Variants in FARS2 observed in about 807,000 individuals in gnomAD.
The protein encoded by FARS2 is phenylalanyl-tRNA synthetase 2, mitochondrial.
FARS2 carries 40 observed loss-of-function variants against 46.4 expected under a neutral mutation model. The observed-to-expected ratio is 0.86, with a 90% CI of 0.67 to 1.12. The LOEUF is 1.12. Ranked by LOEUF, FARS2 falls within the 50% of genes most tolerant of loss-of-function variation. The pLI is 0.00. For missense variants in FARS2, 513 were observed against 567.9 expected (o/e 0.90, Z 0.98); for synonymous variants, 234 against 214.9 (o/e 1.09, Z -0.78).
intron 6 of FARS2, among the ~76,000 whole-genome samples, chr6:5,675,517 A>T (rs958696139): frequency 2.6e-5 from 4 of 152,270 alleles, no homozygotes; most frequent in African/African-American, 9.6e-5. Context: ...GTTACTTGCC[A>T]TTCCACATGT....
intron 5 of FARS2, among the ~76,000 whole-genome samples, chr6:5,607,763 C>T (rs1703242213): frequency 6.6e-6 from 1 of 152,088 alleles, no homozygotes; most frequent in South Asian, 2.1e-4. Flanking sequence ...GACTTTCATT[C>T]CCTGGGACTG....
chr6:5,303,517 G>C (rs1273194767), intron 1 of FARS2, among the ~76,000 whole-genome samples: 1 of 152,014 alleles, frequency 6.6e-6, no homozygotes, highest in East Asian at 1.9e-4. Flanking sequence ...GTGTCAGCTC[G>C]GGAGAGCCGC....
At chr6:5,400,607 A>G (rs1354864554) in intron 2 of FARS2, among the ~76,000 whole-genome samples, 1 of 145,950 alleles carries the variant, frequency 6.9e-6, no homozygotes, top group Non-Finnish European at 1.5e-5. Context: ...TTATGAAGGG[A>G]GTAAGTTTAA....
intron 4 of FARS2, among the ~76,000 whole-genome samples, chr6:5,536,252 C>T (rs576071073): frequency 3.3e-5 from 5 of 151,834 alleles, no homozygotes; most frequent in Non-Finnish European, 5.9e-5. Context: ...GTTTCACTGT[C>T]GATCTCCTGA....
At chr6:5,472,754 C>T in intron 4 of FARS2, among the ~76,000 whole-genome samples, 1 of 152,054 alleles carries the variant, frequency 6.6e-6, no homozygotes, top group Non-Finnish European at 1.5e-5. Flanking sequence ...TCATGAATCC[C>T]CTTATGTATC....
intron 2 of FARS2, among the ~76,000 whole-genome samples, chr6:5,369,954 C>T (rs966088801): frequency 4.0e-5 from 6 of 151,352 alleles, no homozygotes; most frequent in Admixed American, 3.3e-4. Context: ...TACCACTTGT[C>T]CCTCACTCAT....
At chr6:5,385,044 T>A (rs1178479792) in intron 2 of FARS2, among the ~76,000 whole-genome samples, 1 of 152,176 alleles carries the variant, frequency 6.6e-6, no homozygotes, top group Non-Finnish European at 1.5e-5. Flanking sequence ...ATCCAGGCAA[T>A]GGCAAAGCTG....
At chr6:5,389,951 G>T (rs1395675822) in intron 2 of FARS2, among the ~76,000 whole-genome samples, 2 of 152,076 alleles carry the variant, frequency 1.3e-5, no homozygotes, top group African/African-American at 4.8e-5. Flanking sequence ...CGCAACCTCT[G>T]CCTCCTGGGT....
chr6:5,300,265 CAT>C (rs1360331694), intron 1 of FARS2, among the ~76,000 whole-genome samples: 2 of 152,176 alleles, frequency 1.3e-5, no homozygotes, highest in Admixed American at 1.3e-4. Flanking sequence ...AGAACAGAGA[CAT>C]ATGTGTCTCT....
upstream of FARS2, chr6:5,260,996 G>A (rs1188251315): frequency 1.8e-6 from 2 of 1,090,020 alleles, no homozygotes; most frequent in Non-Finnish European, 2.2e-6. Context: ...CCTCCGCCCC[G>A]CCCCGATCCC....
intron 4 of FARS2, among the ~76,000 whole-genome samples, chr6:5,511,949 G>A (rs1768483103): frequency 1.3e-5 from 2 of 152,170 alleles, no homozygotes; most frequent in Admixed American, 1.3e-4. Context: ...GGTTCAACAA[G>A]TTTCAGATCC....
intron 6 of FARS2, among the ~76,000 whole-genome samples, chr6:5,693,132 C>A (rs1461465625): frequency 6.6e-6 from 1 of 152,156 alleles, no homozygotes; most frequent in Non-Finnish European, 1.5e-5. Context: ...GTTTACTTTA[C>A]ACATAGCAAA....
At chr6:5,295,546 A>G (rs1349584095) in intron 1 of FARS2, among the ~76,000 whole-genome samples, 1 of 152,214 alleles carries the variant, frequency 6.6e-6, no homozygotes, top group African/African-American at 2.4e-5. Context: ...AGTCTTGGTA[A>G]TGATAAAAAT....
At chr6:5,258,240 G>C (rs1764776290), upstream of FARS2, among the ~76,000 whole-genome samples, 1 of 152,184 alleles carries the variant, frequency 6.6e-6, no homozygotes, top group Admixed American at 6.5e-5. Flanking sequence ...TCTTGCAAGA[G>C]AGTTCCAAAG....
At chr6:5,668,696 T>G (rs929800388) in intron 6 of FARS2, among the ~76,000 whole-genome samples, 5 of 143,290 alleles carry the variant, frequency 3.5e-5, no homozygotes, top group African/African-American at 7.8e-5. Flanking sequence ...GTTTTTTTTT[T>G]TTTTTTTTTT....
chr6:5,761,255 G>C (rs767310804), intron 6 of FARS2, among the ~76,000 whole-genome samples: 1 of 152,184 alleles, frequency 6.6e-6, no homozygotes, highest in African/African-American at 2.4e-5. Flanking sequence ...GTCTATTCAT[G>C]TATAAATGTC....
In FARS2 at chr6:5,770,392, CTGT is replaced by C. The variant is rs988662515; in HGVS notation, c.1218-890_1218-888del. 4.8e-5 allele frequency among the ~76,000 whole-genome samples: 7 copies of C among 145,334 alleles called. No individual in the cohort carries two copies. In the South Asian group the frequency reaches 8.4e-4, roughly 18 times the overall value. On this transcript the variant is annotated intron_variant, in intron 6 of 6. Transcript: ENST00000274680. Reference sequence around the variant, plus strand: ...AGGCCAAGAAGGGATTGGGTTGCCTCTGTTGTTGTTGCTGCTGCTGCTGCTGCT... The same window carrying C: ...AGGCCAAGAAGGGATTGGGTTGCCTCTGTTGTTGCTGCTGCTGCTGCTGCT...
chr6:5,281,227 A>G (rs1766701549), intron 1 of FARS2, among the ~76,000 whole-genome samples: 1 of 152,252 alleles, frequency 6.6e-6, no homozygotes, highest in Non-Finnish European at 1.5e-5. Flanking sequence ...CCTTAATAAT[A>G]TATAAATACT....
At chr6:5,274,495 C>G (rs896591422) in intron 1 of FARS2, among the ~76,000 whole-genome samples, 1 of 152,236 alleles carries the variant, frequency 6.6e-6, no homozygotes, top group South Asian at 2.1e-4. Flanking sequence ...TCATCTTCTC[C>G]CCTGCTTGGA....
Sources: allele counts gnomAD v4.1 joint callset (sites outside exome capture counted in the v4.1 genomes callset), GRCh38; gene constraint gnomAD v4.1.1; transcripts MANE v1.5; gene names NCBI Gene and HGNC (gene_info 2026-07-23, HGNC 2026-07-21).